The following NRXN3 variants were observed in gnomAD, a reference collection of about 807,000 sequenced individuals.
NRXN3 encodes the protein neurexin III.
A neutral mutation model predicts 137.6 loss-of-function variants in NRXN3; 32 were observed. The ratio of observed to expected loss-of-function variants is 0.23; its 90% CI spans 0.18 to 0.31. NRXN3 has a LOEUF of 0.31. NRXN3 is among the 10% of genes least tolerant of loss of function. The pLI is 1.00. For synonymous variants in NRXN3, 798 were observed against 784.5 expected, an observed-to-expected ratio of 1.02 and a Z score of -0.29; for missense variants, 1,574 against 2,062.5, an observed-to-expected ratio of 0.76 and a Z score of 4.59.
intron 3 of NRXN3, among the ~76,000 whole-genome samples, chr14:78,281,446 C>A (rs942835576): frequency 2.0e-5 from 3 of 152,126 alleles, no homozygotes; most frequent in Non-Finnish European, 2.9e-5. Context: ...TTAGAAGTAA[C>A]CCTACTGTAA....
At chr14:78,297,208 A>G (rs2076428914) in intron 3 of NRXN3, among the ~76,000 whole-genome samples, 1 of 152,184 alleles carries the variant, frequency 6.6e-6, no homozygotes, top group Non-Finnish European at 1.5e-5. Context: ...CTGGGCTAAG[A>G]TGACAGTGAT....
chr14:79,408,738 G>A (rs4899743), intron 15 of NRXN3, among the ~76,000 whole-genome samples: 52,431 of 151,694 alleles, frequency 0.35, 9,306 homozygotes, highest in Admixed American at 0.4. Context: ...CCTACTAAGA[G>A]CACATATTTC....
rs573865258 is a variant in NRXN3 at position 79,718,866 on chromosome 14, A to T, written c.4014+20929A>T. On this transcript the variant is annotated intron_variant, in intron 19 of 20. Transcript: ENST00000335750. ...TTTCTCTCTGTTGTGTTCATTCTAG[A>T]TCATTCCAAATGGTCTCTGTTCCTT... is the stretch of plus-strand genomic sequence containing the variant. 3.6e-4 allele frequency among the ~76,000 whole-genome samples: 55 copies of T among 151,952 alleles called. No individual in the cohort carries two copies. In the South Asian group the frequency reaches 0.01, roughly 28 times the overall value.
At chr14:79,317,388 A>G (rs998540152) in intron 15 of NRXN3, among the ~76,000 whole-genome samples, 1 of 152,308 alleles carries the variant, frequency 6.6e-6, no homozygotes, top group Admixed American at 6.5e-5. Flanking sequence ...CCTTGTTGTC[A>G]CATGGCATTC....
rs1037646513 is a variant in NRXN3, at chr14:78,423,268, A to G, written c.757+125408A>G. ...GACATAGGCTATTAGGGGAAGGAAT[A>G]TGTGGGCTACAGATACATTCAGACG... On this transcript the variant is annotated intron_variant, in intron 4 of 20. Transcript: ENST00000335750. Among the ~76,000 whole-genome samples the G allele has an allele frequency of 5.3e-5, 8 of 152,312 alleles. No individual in the cohort carries two copies. The South Asian group carries it at 6.2e-4, about 12-fold the overall frequency.
At chr14:78,869,639 A>G (rs1199445866) in intron 10 of NRXN3, among the ~76,000 whole-genome samples, 3 of 151,978 alleles carry the variant, frequency 2.0e-5, no homozygotes, top group African/African-American at 4.8e-5. Flanking sequence ...TTTCATATTC[A>G]TCTCCAACAG....
chr14:79,315,478 G>A (rs896919891), intron 15 of NRXN3, among the ~76,000 whole-genome samples: 2 of 152,142 alleles, frequency 1.3e-5, no homozygotes, highest in Admixed American at 1.3e-4. Context: ...ACGTGGTTTG[G>A]TGGCAAAGAA....
intron 4 of NRXN3, among the ~76,000 whole-genome samples, chr14:78,611,346 G>A (rs1023405730): frequency 1.3e-4 from 20 of 151,262 alleles, no homozygotes; most frequent in African/African-American, 4.6e-4. Flanking sequence ...TCATTTCCAT[G>A]CCAGTTTCTC....
At chr14:79,634,480 T>C (rs536205482) in intron 16 of NRXN3, among the ~76,000 whole-genome samples, 1 of 152,256 alleles carries the variant, frequency 6.6e-6, no homozygotes, top group African/African-American at 2.4e-5. Context: ...AAGTCCTTTT[T>C]GTTTTTTGAT....
chr14:79,846,343 C>A (rs555646558), intron 20 of NRXN3, among the ~76,000 whole-genome samples: 3 of 152,182 alleles, frequency 2.0e-5, no homozygotes, highest in South Asian at 2.1e-4. Flanking sequence ...GTAAAAAATT[C>A]ATGTGCTATC....
intron 6 of NRXN3, among the ~76,000 whole-genome samples, chr14:78,669,286 T>C (rs2097914519): frequency 1.3e-5 from 2 of 152,000 alleles, no homozygotes; most frequent in Non-Finnish European, 2.9e-5. Context: ...GTAGTAGTAG[T>C]AATAGTATTG....
chr14:79,258,129 C>G (rs571516736), intron 15 of NRXN3, among the ~76,000 whole-genome samples: 2 of 152,286 alleles, frequency 1.3e-5, no homozygotes, highest in South Asian at 4.1e-4. Flanking sequence ...ATGATGTTTT[C>G]TTACACTCAT....
At chr14:78,442,894 A>G (rs2094304277) in intron 4 of NRXN3, among the ~76,000 whole-genome samples, 1 of 152,220 alleles carries the variant, frequency 6.6e-6, no homozygotes, top group Admixed American at 6.5e-5. Context: ...TTTACAACTT[A>G]CAGATTACTC....
chr14:79,742,933 A>G (rs1023314346), intron 19 of NRXN3, among the ~76,000 whole-genome samples: 4 of 152,226 alleles, frequency 2.6e-5, no homozygotes. Context: ...ACTAAAGCAC[A>G]AAGAAGATAA....
At position 78,252,740 on chromosome 14, in the gene NRXN3, T is replaced by C. The variant is rs1413250019; in HGVS notation, c.709+8938T>C. Among the ~76,000 whole-genome samples, 7 of 152,322 alleles carry C rather than the reference T, an allele frequency of 4.6e-5. No homozygotes were observed. The South Asian group carries it at 1.5e-3, about 32-fold the overall frequency. On this transcript the variant is annotated intron_variant, in intron 2 of 20. Transcript: ENST00000335750. ...AATTCTGCAATCTCTCCTCCAGGTA[T>C]GATTGGAAATGTGTTGCCTGCAGCT... is the stretch of plus-strand genomic sequence containing the variant.
At chr14:78,486,503 A>T (rs2095561115) in intron 4 of NRXN3, among the ~76,000 whole-genome samples, 1 of 152,046 alleles carries the variant, frequency 6.6e-6, no homozygotes, top group South Asian at 2.1e-4. Flanking sequence ...CTTCCTGGAG[A>T]CAATGGCAGA....
At chr14:79,730,404 G>A (rs554009776) in intron 19 of NRXN3, among the ~76,000 whole-genome samples, 35 of 152,298 alleles carry the variant, frequency 2.3e-4, no homozygotes, top group African/African-American at 7.9e-4. Context: ...AAATTGACAA[G>A]CACTTGATAG....
rs200042837 is a variant in NRXN3 at position 78,709,695 on chromosome 14, G to A, written c.1660+40G>A. ...GATGTGTGACTGAGACTAGACGAAA[G>A]CTGTAGCTTCTCAGTTTGTTTTTTG... On this transcript the variant is annotated intron_variant, in intron 7 of 20. Transcript: ENST00000335750. 41 of 1,545,794 alleles carry A rather than the reference G, an allele frequency of 2.7e-5. 1 individual carries two copies. In the Middle Eastern group the frequency reaches 1.2e-3, roughly 46 times the overall value.
chr14:78,846,767 A>G (rs906253641), intron 10 of NRXN3, among the ~76,000 whole-genome samples: 1 of 152,110 alleles, frequency 6.6e-6, no homozygotes, highest in African/African-American at 2.4e-5. Context: ...GTTAATTCTC[A>G]AAGTCTCCCT....
Sources: gnomAD v4.1 joint callset for allele counts (sites outside exome capture counted in the v4.1 genomes callset) on GRCh38, gnomAD v4.1.1 for gene constraint, MANE v1.5 for transcripts, NCBI Gene and HGNC (gene_info 2026-07-23, HGNC 2026-07-21) for gene names.